FOXN3: variants seen among roughly 807,000 people sequenced by gnomAD.
FOXN3 encodes the protein forkhead box N3, also known as forkhead box protein N3.
FOXN3 carries 7 observed loss-of-function variants against 38.4 expected under a neutral mutation model. The ratio of observed to expected loss-of-function variants is 0.18; its 90% CI spans 0.10 to 0.34. FOXN3 has a LOEUF of 0.34. FOXN3 is among the 10% of genes least tolerant of loss of function. The pLI is 1.00. For synonymous variants in FOXN3, 230 were observed against 242.2 expected (o/e 0.95, Z 0.47); for missense variants, 456 against 613.4 (o/e 0.74, Z 2.71).
rs555620905 is a variant in FOXN3, at chr14:89,161,296, C to A, written c.*1118G>T. On this transcript the variant is annotated 3_prime_UTR_variant, in exon 6 of 6. Transcript: ENST00000557258. ...GTATAGGAGTTATTTTATTTTTTGC[C>A]ATGTTTTACTTTTTTTTTTTGTCCA... The A allele has an allele frequency of 6.6e-6, 1 of 150,746 alleles. No homozygotes were observed. The highest frequency in any genetic ancestry group is 2.0e-4 in the East Asian group (1 of 4,908). The allele number at this position is 150,746 out of a possible 1,614,324, so 9.3% of individuals were successfully genotyped here.
chr14:89,417,532 G>C (rs1336548035), upstream of FOXN3: 1 of 188,550 alleles, frequency 5.3e-6, no homozygotes, highest in Non-Finnish European at 1.1e-5. Context: ...GGGGCAGGTG[G>C]GTCAGGCGGC....
intron 4 of FOXN3, among the ~76,000 whole-genome samples, chr14:89,249,474 G>C (rs914355330): frequency 1.3e-5 from 2 of 152,232 alleles, no homozygotes; most frequent in Admixed American, 1.3e-4. Flanking sequence ...CAGACACCGT[G>C]ATACTACTAA....
intron 4 of FOXN3, among the ~76,000 whole-genome samples, chr14:89,216,566 C>G (rs1446881964): frequency 6.6e-6 from 1 of 152,144 alleles, no homozygotes; most frequent in Non-Finnish European, 1.5e-5. Context: ...CACTCAGGCC[C>G]CTTTTTCCTT....
chr14:89,526,148 A>G (rs1397790559), intron 1 of FOXN3, among the ~76,000 whole-genome samples: 1 of 152,204 alleles, frequency 6.6e-6, no homozygotes, highest in Non-Finnish European at 1.5e-5. Flanking sequence ...ATCTACAACA[A>G]AAAGCACCAC....
At chr14:89,315,573 G>A (rs575618806) in intron 3 of FOXN3, among the ~76,000 whole-genome samples, 1 of 152,122 alleles carries the variant, frequency 6.6e-6, no homozygotes, top group Admixed American at 6.5e-5. Flanking sequence ...TCCACAGCAC[G>A]GTTAGAGGAA....
chr14:89,216,923 T>C (rs75615935), intron 4 of FOXN3, among the ~76,000 whole-genome samples: 2,736 of 152,318 alleles, frequency 0.018, 79 homozygotes, highest in African/African-American at 0.062. Context: ...CAGATGCTTC[T>C]TGAGGGCAAG....
intron 1 of FOXN3, among the ~76,000 whole-genome samples, chr14:89,465,093 G>A (rs139918592): frequency 2.5e-3 from 374 of 152,302 alleles, no homozygotes; most frequent in Non-Finnish European, 4.2e-3. Flanking sequence ...CAGCCGCCAC[G>A]TGAAGAAGGA....
intron 1 of FOXN3, among the ~76,000 whole-genome samples, chr14:89,535,426 T>C (rs537742749): frequency 1.3e-5 from 2 of 152,358 alleles, no homozygotes; most frequent in African/African-American, 4.8e-5. Context: ...AGCATTTTAT[T>C]TGAATTATTA....
At chr14:89,523,494 C>G (rs1050419905) in intron 1 of FOXN3, among the ~76,000 whole-genome samples, 1 of 152,146 alleles carries the variant, frequency 6.6e-6, no homozygotes, top group African/African-American at 2.4e-5. Context: ...GTCATAAAAA[C>G]TATGGTCTGT....
In FOXN3 at chr14:89,350,696, G is replaced by C. The variant is rs1888933756; in HGVS notation, c.656C>G (p.Pro219Arg). The change falls in exon 3 of 6, where the codon CCC (proline) becomes CGC (arginine). Residue 219 changes from proline to arginine, a missense_variant. By Grantham distance (103) the Pro-to-Arg change is moderately radical. This residue lies in a region of FOXN3 where 386 missense variants were observed against 505.2 expected (regional missense o/e 0.76). Transcript: ENST00000557258. The stretch of plus-strand genomic sequence containing the variant: ...CCTTTGATATGCCTGAGGACAGGTG[G>C]GAGGTGTATTGAACACGTGTGGGTG... The part of the protein sequence containing the change: ...HPHPHVFNTP[P>R]TCPQAYQSTS... 3 of 1,577,404 alleles carry C rather than the reference G, an allele frequency of 1.9e-6. No homozygotes were observed. The South Asian group carries it at 3.5e-5, about 19-fold the overall frequency.
At chr14:89,408,125 A>C (rs886117188) in intron 2 of FOXN3, among the ~76,000 whole-genome samples, 1 of 152,320 alleles carries the variant, frequency 6.6e-6, no homozygotes, top group Middle Eastern at 3.4e-3. Flanking sequence ...AGCAACTGGA[A>C]AGACCTCAAG....
At chr14:89,496,145 G>A (rs910822631) in intron 1 of FOXN3, among the ~76,000 whole-genome samples, 7 of 152,102 alleles carry the variant, frequency 4.6e-5, no homozygotes, top group African/African-American at 1.2e-4. Flanking sequence ...CCCGGGAGGC[G>A]GAGGTTGCAG....
chr14:89,381,066 C>T (rs1187909567), intron 2 of FOXN3, among the ~76,000 whole-genome samples: 2 of 140,754 alleles, frequency 1.4e-5, no homozygotes, highest in Admixed American at 8.3e-5. Flanking sequence ...CACCTGAACC[C>T]AGGAAGCAGC....
At chr14:89,448,927 G>C (rs892845124) in intron 1 of FOXN3, among the ~76,000 whole-genome samples, 1 of 147,352 alleles carries the variant, frequency 6.8e-6, no homozygotes, top group Non-Finnish European at 1.5e-5. Context: ...CTGGGCAACA[G>C]AGCAAGAACA....
intron 1 of FOXN3, among the ~76,000 whole-genome samples, chr14:89,466,986 C>T (rs1204749451): frequency 6.6e-6 from 1 of 152,210 alleles, no homozygotes; most frequent in African/African-American, 2.4e-5. Context: ...GTGATCACAG[C>T]GCCTGACACA....
chr14:89,453,143 G>A (rs2401824), intron 1 of FOXN3, among the ~76,000 whole-genome samples: 69,924 of 151,822 alleles, frequency 0.46, 16,383 homozygotes, highest in African/African-American at 0.54. Context: ...AGGTTGCAGC[G>A]AGCCGAGACG....
At chr14:89,523,016 G>C (rs981585114) in intron 1 of FOXN3, among the ~76,000 whole-genome samples, 3 of 151,532 alleles carry the variant, frequency 2.0e-5, no homozygotes, top group African/African-American at 7.3e-5. Flanking sequence ...AAAGCAAAAG[G>C]ATCGAAGAAG....
Position 89,337,946 on chromosome 14 carries a change from C to T in FOXN3, c.680+12726G>A, listed in dbSNP as rs3825668. On this transcript the variant is annotated intron_variant, in intron 3 of 5. Coordinates refer to ENST00000557258, the MANE Select transcript of FOXN3 (RefSeq NM_005197.4). ...TGCCCAGCCACATTTACATTTTCTA[C>T]AGCAGCTGCAAAAAAGTTTCCTCCT... Among the ~76,000 whole-genome samples the T allele has an allele frequency of 5.5e-3, 843 of 152,224 alleles. 53 individuals carry two copies. In the East Asian group the frequency reaches 0.14, roughly 25 times the overall value.
intron 3 of FOXN3, among the ~76,000 whole-genome samples, chr14:89,286,776 A>ATTTG (rs1225233334): frequency 1.3e-5 from 2 of 152,208 alleles, no homozygotes; most frequent in African/African-American, 4.8e-5. Context: ...CACGGCAACC[A>ATTTG]GAGCAGGCTG....
Sources: allele counts gnomAD v4.1 joint callset (sites outside exome capture counted in the v4.1 genomes callset), GRCh38; gene constraint gnomAD v4.1.1; regional missense constraint gnomAD v4.1.1; transcripts MANE v1.5; gene names NCBI Gene and HGNC (gene_info 2026-07-23, HGNC 2026-07-21).